Variants in RPS15A observed in about 807,000 individuals in gnomAD.
RPS15A encodes ribosomal protein S15a.
For missense variants in RPS15A, 62 were observed against 163.4 expected (o/e 0.38, Z 3.38); for synonymous variants, 55 against 58.5 (o/e 0.94, Z 0.27).
Position 18,782,208 on chromosome 16 carries a change from A to T in RPS15A, c.*801T>A, listed in dbSNP as rs1435102944. On this transcript the variant is annotated 3_prime_UTR_variant, in exon 5 of 5. Transcript: ENST00000322989. ...GCTACTCAGGAGGCTGAGGCACGAG[A>T]ACTACTTGAATCTGGGAAGCGGAGG... 3 of 116,458 alleles carry T rather than the reference A, an allele frequency of 2.6e-5. No homozygotes were observed. Among genetic ancestry groups the T allele is most frequent in the Admixed American group, 1.9e-4 (2 of 10,786 alleles). The allele number at this position is 116,458 out of a possible 1,614,324, so 7.2% of individuals were successfully genotyped here.
At chr16:18,787,706 G>C (rs538418718) in intron 3 of RPS15A, among the ~76,000 whole-genome samples, 4 of 152,292 alleles carry the variant, frequency 2.6e-5, no homozygotes, top group African/African-American at 9.6e-5. Flanking sequence ...ACACATCACT[G>C]AGAGGAAGGA....
rs889607073 is a variant in RPS15A, at chr16:18,782,439, T to C, written c.*570A>G. 2.0e-5 allele frequency: 3 copies of C among 151,404 alleles called. No individual in the cohort carries two copies. Among genetic ancestry groups the C allele is most frequent in the South Asian group, 2.1e-4 (1 of 4,818 alleles). 9.4% of individuals were successfully genotyped at this position (151,404 alleles called of 1,614,324 possible). A position where few individuals can be genotyped will look rare whatever the true frequency, so the allele number is the denominator to read the frequency against. On this transcript the variant is annotated 3_prime_UTR_variant, in exon 5 of 5. Transcript: ENST00000322989. ...AAAACTAATAGAAAATACTGAAATA[T>C]AGGCCAGGTGTAATGGCTCGTGGCT...
chr16:18,789,209 C>T (rs2029969715), intron 1 of RPS15A, 91 bp from the exon 2 acceptor site: 1 of 1,320,702 alleles, frequency 7.6e-7, no homozygotes, highest in African/African-American at 1.5e-5. Flanking sequence ...CCTTTCCTTT[C>T]TGGCCCCACC....
chr16:18,785,509 C>T (rs1904033549), intron 3 of RPS15A: 1 of 152,230 alleles, frequency 6.6e-6, no homozygotes. Flanking sequence ...TAAAACACTA[C>T]TGAAGAAAGT....
intron 2 of RPS15A, chr16:18,788,692 G>C (rs539180537): frequency 3.2e-6 from 1 of 312,816 alleles, no homozygotes; most frequent in South Asian, 9.8e-5. Flanking sequence ...AGTAGAGACG[G>C]GGTTTTGCCA....
chr16:18,784,560 T>G, intron 4 of RPS15A, 178 bp downstream of exon 4: 1 of 566,342 alleles, frequency 1.8e-6, no homozygotes, highest in Non-Finnish European at 3.1e-6. Context: ...CTGTCTCTTT[T>G]TAAAGAGAGA....
intron 3 of RPS15A, among the ~76,000 whole-genome samples, chr16:18,787,756 C>T (rs368183643): frequency 3.9e-5 from 6 of 152,198 alleles, no homozygotes; most frequent in African/African-American, 1.4e-4. Flanking sequence ...CCTTGAGCCA[C>T]CCAAGTTCAA....
intron 2 of RPS15A, 107 bp downstream of exon 2, chr16:18,788,874 T>A: frequency 8.4e-7 from 1 of 1,188,918 alleles, no homozygotes; most frequent in Non-Finnish European, 1.2e-6. Context: ...TTGCATTCGT[T>A]CTCAGGTATG....
chr16:18,784,283 C>G (rs558723581), intron 4 of RPS15A: 2 of 151,908 alleles, frequency 1.3e-5, no homozygotes, highest in African/African-American at 4.8e-5. Flanking sequence ...CAGAGTTTCA[C>G]TCGTTGCCCA....
rs1374289537 is a variant in RPS15A at position 18,784,902 on chromosome 16, A to T, written c.214-79T>A. 4 of 1,169,608 alleles carry T rather than the reference A, an allele frequency of 3.4e-6. No individual in the cohort carries two copies. The East Asian group carries it at 7.2e-5, about 21-fold the overall frequency. 72.5% of individuals were successfully genotyped at this position (1,169,608 alleles called of 1,614,324 possible). ...AACTGAGTAACACAAGATGACATTC[A>T]TAAATAAACAGTCCTCCAAACCAAC... On this transcript the variant is annotated intron_variant, in intron 3 of 4. Transcript: ENST00000322989.
intron 3 of RPS15A, among the ~76,000 whole-genome samples, chr16:18,787,699 C>T (rs188506720): frequency 2.6e-5 from 4 of 152,328 alleles, no homozygotes; most frequent in African/African-American, 9.6e-5. Flanking sequence ...AAACCCAACA[C>T]ATCACTGAGA....
intron 3 of RPS15A, among the ~76,000 whole-genome samples, chr16:18,786,988 C>T (rs997784136): frequency 6.6e-6 from 1 of 152,148 alleles, no homozygotes; most frequent in Non-Finnish European, 1.5e-5. Flanking sequence ...CCTCAGTCTC[C>T]GGAGTACCTG....
intron 2 of RPS15A, chr16:18,788,713 G>A (rs2029951607): frequency 2.8e-6 from 1 of 361,638 alleles, no homozygotes; most frequent in Admixed American, 4.4e-5. Flanking sequence ...TGTTGGCCAG[G>A]CTGGTCTCGA....
At chr16:18,788,220 T>C (rs2029931551) in intron 2 of RPS15A, 78 bp from the exon 3 acceptor site, 1 of 895,736 alleles carries the variant, frequency 1.1e-6, no homozygotes, top group Admixed American at 1.9e-5. Context: ...CCTACTCAAT[T>C]CTTCACTCTC....
At chr16:18,788,209 G>T in intron 2 of RPS15A, 67 bp from the exon 3 acceptor site, 1 of 1,011,976 alleles carries the variant, frequency 9.9e-7, no homozygotes, top group Non-Finnish European at 1.5e-6. Context: ...CTGTGCTCTA[G>T]CCTACTCAAT....
chr16:18,788,365 A>T (rs2029934898), intron 2 of RPS15A, among the ~76,000 whole-genome samples: 1 of 152,230 alleles, frequency 6.6e-6, no homozygotes, highest in Admixed American at 6.5e-5. Context: ...ATTCTGAAAG[A>T]AACTATTTTC....
At chr16:18,784,652 G>C (rs552210508) in intron 4 of RPS15A, 86 bp downstream of exon 4, 1 of 1,043,868 alleles carries the variant, frequency 9.6e-7, no homozygotes, top group Non-Finnish European at 1.4e-6. Flanking sequence ...GTTTTAAACA[G>C]AAAAAAAGAA....
intron 4 of RPS15A, 76 bp from the exon 5 acceptor site, chr16:18,783,178 C>A: frequency 1.1e-6 from 1 of 950,800 alleles, no homozygotes. Context: ...AAAACATCAA[C>A]ACTCATCAGT....
rs1903990323 is a variant in RPS15A, at chr16:18,783,105, A to G, written c.300-3T>C. On this transcript the variant is annotated splice_region_variant and splice_polypyrimidine_tract_variant and intron_variant, in intron 4 of 4. Transcript: ENST00000322989. ...CTGAGGTTGTCAGTACAATGAAACTATGGAGTGGAAAAAGAAAGTGCTGGT... is the reference window on the plus strand; with the variant it reads ...CTGAGGTTGTCAGTACAATGAAACTGTGGAGTGGAAAAAGAAAGTGCTGGT... 6.2e-7 allele frequency: 1 copy of G among 1,600,410 alleles called. No individual in the cohort carries two copies. The highest frequency in any genetic ancestry group is 1.3e-5 in the African/African-American group (1 of 74,598).
Sources: gnomAD v4.1 joint callset for allele counts (sites outside exome capture counted in the v4.1 genomes callset) on GRCh38, gnomAD v4.1.1 for gene constraint, MANE v1.5 for transcripts, NCBI Gene and HGNC (gene_info 2026-07-23, HGNC 2026-07-21) for gene names.